The following TTLL6 variants were observed in gnomAD, a reference collection of about 807,000 sequenced individuals.
The protein encoded by TTLL6 is tubulin polyglutamylase TTLL6.
TTLL6 carries 75 observed loss-of-function variants against 96.4 expected under a neutral mutation model. The observed-to-expected ratio is 0.78, with a 90% CI of 0.65 to 0.94. The LOEUF (loss-of-function observed/expected upper bound fraction) is 0.94. Among genes scored for constraint, TTLL6 ranks in the 40% least tolerant of loss-of-function variants. The pLI is 0.00. For synonymous variants in TTLL6, 411 were observed against 419.4 expected (o/e 0.98, Z 0.24); for missense variants, 1,030 against 1,093.0 (o/e 0.94, Z 0.81).
In TTLL6 at chr17:48,801,340, A is replaced by G; in HGVS notation, c.526T>C (p.Leu176=). ...PGMSEICRKD[L]LARNMSRMLK... is the part of the protein sequence containing the mutation. ...ATGCGGCTCATGTTCCTGGCCAGCAAGTCCTTCCGGCAGATTTCACTCATC... is the reference window on the plus strand; with the variant it reads ...ATGCGGCTCATGTTCCTGGCCAGCAGGTCCTTCCGGCAGATTTCACTCATC... Residue 176 remains leucine, a synonymous_variant, in exon 5 of 16, where the codon TTG becomes CTG. Transcript: ENST00000393382. 1 of 1,551,670 alleles carries G rather than the reference A, an allele frequency of 6.4e-7. No homozygotes were observed. Among genetic ancestry groups the G allele is most frequent in the South Asian group, 1.2e-5 (1 of 84,060 alleles).
chr17:48,809,933 T>C (rs1304705904), intron 1 of TTLL6, among the ~76,000 whole-genome samples: 1 of 150,352 alleles, frequency 6.7e-6, no homozygotes, highest in Non-Finnish European at 1.5e-5. Context: ...AGGTCGGGAG[T>C]TCGAGACCAG....
At chr17:48,812,678 G>C (rs1567739466) in intron 1 of TTLL6, among the ~76,000 whole-genome samples, 1 of 152,182 alleles carries the variant, frequency 6.6e-6, no homozygotes, top group South Asian at 2.1e-4. Flanking sequence ...GATGGAAGAG[G>C]CTGTGTCTCT....
At chr17:48,799,909 G>T (rs1269770412) in intron 5 of TTLL6, 149 bp from the exon 6 acceptor site, 2 of 716,186 alleles carry the variant, frequency 2.8e-6, no homozygotes, top group South Asian at 1.9e-5. Flanking sequence ...CAATGGGAGA[G>T]AGTAGAGCAC....
intron 3 of TTLL6, among the ~76,000 whole-genome samples, chr17:48,802,843 C>A (rs1197607696): frequency 1.3e-5 from 2 of 151,984 alleles, no homozygotes; most frequent in Non-Finnish European, 2.9e-5. Context: ...TACACTCCAG[C>A]CTGGGCGACA....
At chr17:48,787,374 G>A (rs949458286) in intron 11 of TTLL6, among the ~76,000 whole-genome samples, 9 of 152,106 alleles carry the variant, frequency 5.9e-5, no homozygotes, top group African/African-American at 2.2e-4. Context: ...CAGGGCAGAT[G>A]TTCATCTGGC....
rs770605243 is a variant in TTLL6, at chr17:48,769,242, A to G, written c.2423T>C (p.Leu808Pro). The G allele has an allele frequency of 1.9e-6, 3 of 1,600,616 alleles. No individual in the cohort carries two copies. The South Asian group carries it at 3.3e-5, about 18-fold the overall frequency. Residue 808 changes from leucine (L) to proline (P), a missense_variant, in exon 15 of 16, where the codon CTG becomes CCG. Coordinates refer to ENST00000393382, the MANE Select transcript of TTLL6 (RefSeq NM_001130918.3). ...ACTGCGGGAGTGGCACTCCCCAGGC[A>G]GGGAGGGGTTTTCTGGAAAGGCAAA... ...GMNNLSQNPS[L>P]PGECHSRSDS...
chr17:48,785,466 T>G (rs986771450), intron 12 of TTLL6, among the ~76,000 whole-genome samples: 1 of 152,166 alleles, frequency 6.6e-6, no homozygotes, highest in African/African-American at 2.4e-5. Flanking sequence ...TCCATAGCTT[T>G]TATCAGATTC....
chr17:48,799,449 G>A (rs991522751), intron 6 of TTLL6, among the ~76,000 whole-genome samples, 155 bp downstream of exon 6: 2 of 152,190 alleles, frequency 1.3e-5, no homozygotes, highest in Non-Finnish European at 1.5e-5. Flanking sequence ...TCAGCACCCC[G>A]GTCAGAACGT....
At chr17:48,811,695 C>CTTT (rs34983566) in intron 1 of TTLL6, among the ~76,000 whole-genome samples, 30 of 119,010 alleles carry the variant, frequency 2.5e-4, no homozygotes, top group Middle Eastern at 4.1e-3. Context: ...GAGCAGAAAG[C>CTTT]TTTTTTTTTT....
intron 13 of TTLL6, among the ~76,000 whole-genome samples, chr17:48,774,096 C>CAAAAAAAAAAAAAAAAAAAAAA (rs1286139436): frequency 4.5e-5 from 2 of 44,220 alleles, no homozygotes; most frequent in Admixed American, 2.9e-4. Context: ...AAAAACAAAA[C>CAAAAAAAAAAAAAAAAAAAAAA]AAAAAAAAAA....
At chr17:48,791,328 T>A (rs1158827393) in intron 9 of TTLL6, 50 bp downstream of exon 9, 1 of 1,522,756 alleles carries the variant, frequency 6.6e-7, no homozygotes, top group East Asian at 2.3e-5. Flanking sequence ...TGAAGCGGGC[T>A]GGCCCCAATA....
intron 8 of TTLL6, chr17:48,794,306 C>T: frequency 6.2e-7 from 1 of 1,611,986 alleles, no homozygotes; most frequent in Non-Finnish European, 8.5e-7. Flanking sequence ...AGAACCTTTC[C>T]ATTCTGTGCC....
In TTLL6 at chr17:48,804,886, G is replaced by A. The variant is rs1354584787; in HGVS notation, c.209C>T (p.Ser70Phe). 8 of 1,552,208 alleles carry A rather than the reference G, an allele frequency of 5.2e-6. No individual in the cohort carries two copies. The South Asian group carries it at 8.3e-5, about 16-fold the overall frequency. ...GACGGTTTCTTTTGGATCTTCTTTGGAACTGTCCCCCTTCTCTTCGGAGTT... is the reference window on the plus strand; with the variant it reads ...GACGGTTTCTTTTGGATCTTCTTTGAAACTGTCCCCCTTCTCTTCGGAGTT... The part of the protein sequence containing the change: ...GENSEEKGDS[S>F]KEDPKETVAL... The change falls in exon 2 of 16, where the codon TCC (serine) becomes TTC (phenylalanine). Residue 70 changes from serine (S) to phenylalanine (F), a missense_variant. Ser to Phe is a radical substitution (Grantham distance 155). Transcript: ENST00000393382.
chr17:48,779,075 T>C (rs554425569), intron 13 of TTLL6, among the ~76,000 whole-genome samples: 11 of 151,912 alleles, frequency 7.2e-5, no homozygotes, highest in African/African-American at 2.2e-4. Context: ...CATTCCAACC[T>C]GGGTGACAGA....
intron 6 of TTLL6, among the ~76,000 whole-genome samples, chr17:48,798,105 C>T (rs2039350921): frequency 6.6e-6 from 1 of 151,720 alleles, no homozygotes; most frequent in Admixed American, 6.6e-5. Context: ...GAGACCCTGT[C>T]TCAAAAAAAA....
intron 15 of TTLL6, among the ~76,000 whole-genome samples, chr17:48,768,729 T>C (rs938535451): frequency 6.6e-6 from 1 of 151,854 alleles, no homozygotes; most frequent in East Asian, 1.9e-4. Context: ...TTTGTAGAGA[T>C]GGGGTCTCCC....
chr17:48,797,882 T>A (rs755772304), intron 6 of TTLL6, among the ~76,000 whole-genome samples: 14 of 150,956 alleles, frequency 9.3e-5, no homozygotes, highest in African/African-American at 1.7e-4. Context: ...AGAGGGAGGA[T>A]TGCTTGACCT....
rs186078254 is a variant in TTLL6, at chr17:48,797,664, G to A, written c.769-460C>T. The stretch of plus-strand genomic sequence containing the variant: ...TTGCCAGGCGCGGTGGTGGGCCCCT[G>A]TAATCCCAGCTACTCAGGAGGCTGA... On this transcript the variant is annotated intron_variant, in intron 6 of 15. Transcript: ENST00000393382. Among the ~76,000 whole-genome samples the A allele has an allele frequency of 3.9e-3, 599 of 151,856 alleles. 4 individuals are homozygous for A. The highest frequency in any genetic ancestry group is 0.014 in the African/African-American group (586 of 41,384).
At chr17:48,771,936 A>C (rs1015830743) in intron 13 of TTLL6, among the ~76,000 whole-genome samples, 1 of 152,006 alleles carries the variant, frequency 6.6e-6, no homozygotes, top group South Asian at 2.1e-4. Flanking sequence ...TTAGCCGGGC[A>C]TGGTGACAGG....
Sources: gnomAD v4.1 joint callset for allele counts (sites outside exome capture counted in the v4.1 genomes callset) on GRCh38, gnomAD v4.1.1 for gene constraint, MANE v1.5 for transcripts, NCBI Gene and HGNC (gene_info 2026-07-23, HGNC 2026-07-21) for gene names.